Variants in PTPN3 observed in about 807,000 individuals in gnomAD.
PTPN3 encodes the protein protein tyrosine phosphatase non-receptor type 3.
Under a neutral mutation model 132.7 loss-of-function variants are expected in PTPN3, and 96 were observed. That is an observed-to-expected ratio of 0.72 (90% confidence interval 0.61 to 0.86). The LOEUF (loss-of-function observed/expected upper bound fraction) is 0.86, where lower values mean the gene tolerates loss of function less well. Among genes scored for constraint, PTPN3 ranks in the 40% least tolerant of loss-of-function variants. The probability of loss-of-function intolerance (pLI) is 0.00; values close to 1 mark genes in which losing one functional copy is unlikely to be tolerated. For missense variants in PTPN3, 1,125 were observed against 1,159.6 expected (o/e 0.97, Z 0.43); for synonymous variants, 398 against 429.0 (o/e 0.93, Z 0.89).
At chr9:109,489,490 C>T (rs1268127450) in intron 1 of PTPN3, among the ~76,000 whole-genome samples, 2 of 152,130 alleles carry the variant, frequency 1.3e-5, no homozygotes, top group South Asian at 2.1e-4. Flanking sequence ...TAAATCCGGA[C>T]GTGACCACAC....
chr9:109,440,080 T>C lies in PTPN3; in HGVS notation c.467-1846A>G, dbSNP rs1588430461. Among the ~76,000 whole-genome samples the C allele has an allele frequency of 1.3e-5, 2 of 152,266 alleles. 1 individual carries two copies. Among genetic ancestry groups the C allele is most frequent in the East Asian group, 3.9e-4 (2 of 5,180 alleles). On this transcript the variant is annotated intron_variant, in intron 7 of 25. Transcript: ENST00000374541. The stretch of plus-strand genomic sequence containing the variant: ...TGCTGGGAGTGGGTCAGACTCACCT[T>C]TAGGGCCCCCAGCACCAGGCATGAC...
chr9:109,470,086 C>CG (rs769966861), intron 1 of PTPN3, among the ~76,000 whole-genome samples: 41 of 152,064 alleles, frequency 2.7e-4, no homozygotes, highest in Non-Finnish European at 5.0e-4. Context: ...CAACAGATGA[C>CG]CGATCTAGAG....
chr9:109,493,971 A>G (rs1426547911), intron 1 of PTPN3, among the ~76,000 whole-genome samples: 1 of 152,254 alleles, frequency 6.6e-6, no homozygotes, highest in Non-Finnish European at 1.5e-5. Flanking sequence ...GGCAACCAAT[A>G]AGTACAGATT....
chr9:109,427,189 C>G (rs1843342379), intron 11 of PTPN3, 67 bp from the exon 12 acceptor site: 31 of 1,535,866 alleles, frequency 2.0e-5, no homozygotes, highest in Non-Finnish European at 2.7e-5. Context: ...AAGCATTTAA[C>G]CCACATTGGT....
chr9:109,424,498 C>T lies in PTPN3; in HGVS notation c.1002-1646G>A, dbSNP rs563370454. Among the ~76,000 whole-genome samples, 6 of 152,354 alleles carry T rather than the reference C, an allele frequency of 3.9e-5. No individual in the cohort carries two copies. In the South Asian group the frequency reaches 1.0e-3, roughly 26 times the overall value. On this transcript the variant is annotated intron_variant, in intron 12 of 25. Coordinates refer to ENST00000374541, the MANE Select transcript of PTPN3 (RefSeq NM_002829.4). ...TTGTGACTGCTTTCAGCAACAGAGT[C>T]GCTGTGCCAGTGCCAGGTCTCACCC...
At chr9:109,510,558 T>TAAAAA in the PTPN3 span, among the ~76,000 whole-genome samples, 70 of 74,122 alleles carry the variant, frequency 9.4e-4, no homozygotes, top group African/African-American at 2.5e-3. Context: ...AACTTTGTCT[T>TAAAAA]AAAAAAAAAA....
At chr9:109,463,241 C>A in intron 2 of PTPN3, 56 bp downstream of exon 2, 3 of 1,438,738 alleles carry the variant, frequency 2.1e-6, no homozygotes, top group Non-Finnish European at 1.9e-6. Flanking sequence ...GAGATGAAAA[C>A]TATTTGTTAG....
At chr9:109,516,234 C>A in the PTPN3 span, among the ~76,000 whole-genome samples, 1 of 152,206 alleles carries the variant, frequency 6.6e-6, no homozygotes, top group African/African-American at 2.4e-5. Context: ...CACCGGGATA[C>A]AAAGGCCAAT....
At chr9:109,517,296 A>G in the PTPN3 span, among the ~76,000 whole-genome samples, 1 of 152,182 alleles carries the variant, frequency 6.6e-6, no homozygotes, top group Non-Finnish European at 1.5e-5. Context: ...GCTCAGTTAC[A>G]TTGGATGAAT....
At chr9:109,495,940 G>A (rs1046745296) in intron 1 of PTPN3, among the ~76,000 whole-genome samples, 4 of 152,172 alleles carry the variant, frequency 2.6e-5, no homozygotes, top group Non-Finnish European at 5.9e-5. Context: ...TTTCCTGCAC[G>A]GAAGTGGATG....
At chr9:109,392,555 T>C (rs1014340759) in intron 19 of PTPN3, 3 of 152,208 alleles carry the variant, frequency 2.0e-5, no homozygotes, top group Admixed American at 1.3e-4. Context: ...AATACATTTA[T>C]ATACTATGTT....
chr9:109,442,084 G>A (rs553773436), intron 7 of PTPN3, among the ~76,000 whole-genome samples: 1 of 152,034 alleles, frequency 6.6e-6, no homozygotes, highest in South Asian at 2.1e-4. Context: ...GTCTCACTCT[G>A]TTGCCCAGGC....
intron 1 of PTPN3, among the ~76,000 whole-genome samples, chr9:109,481,887 AG>A (rs1846974643): frequency 6.6e-6 from 1 of 152,206 alleles, no homozygotes. Flanking sequence ...CTGGACCCAT[AG>A]GCTGTCCAGC....
the PTPN3 span, chr9:109,533,882 C>A: frequency 2.6e-6 from 2 of 763,060 alleles, no homozygotes; most frequent in Non-Finnish European, 4.7e-6. Flanking sequence ...ACCCCTACGA[C>A]GTGGATAGCA....
intron 1 of PTPN3, among the ~76,000 whole-genome samples, chr9:109,465,009 T>G (rs1215225674): frequency 6.6e-6 from 1 of 152,248 alleles, no homozygotes; most frequent in African/African-American, 2.4e-5. Context: ...TGTACTCACT[T>G]TGTGACAATT....
chr9:109,460,415 G>A (rs779555078), intron 2 of PTPN3, among the ~76,000 whole-genome samples: 2 of 152,082 alleles, frequency 1.3e-5, no homozygotes, highest in South Asian at 2.1e-4. Flanking sequence ...CAGAGCCCCA[G>A]TGCTTTCCAC....
At chr9:109,385,030 C>G (rs985105722) in intron 22 of PTPN3, among the ~76,000 whole-genome samples, 1 of 152,224 alleles carries the variant, frequency 6.6e-6, no homozygotes, top group Admixed American at 6.5e-5. Flanking sequence ...GTCCTGTAGG[C>G]TCCCAATGGT....
At chr9:109,508,435 C>T in the PTPN3 span, among the ~76,000 whole-genome samples, 1 of 152,228 alleles carries the variant, frequency 6.6e-6, no homozygotes, top group Admixed American at 6.5e-5. Context: ...GCTGGGATTA[C>T]AGGCTTGAGC....
intron 6 of PTPN3, among the ~76,000 whole-genome samples, chr9:109,448,129 T>A (rs1446880644): frequency 6.6e-6 from 1 of 152,216 alleles, no homozygotes; most frequent in Non-Finnish European, 1.5e-5. Context: ...AATTGCTTCA[T>A]GGGATACTGT....
Sources: gnomAD v4.1 joint callset for allele counts (sites outside exome capture counted in the v4.1 genomes callset) on GRCh38, gnomAD v4.1.1 for gene constraint, MANE v1.5 for transcripts, NCBI Gene and HGNC (gene_info 2026-07-23, HGNC 2026-07-21) for gene names.